Variants in FMN1 observed in about 807,000 individuals in gnomAD.
FMN1 encodes the protein formin 1.
FMN1 carries 110 observed loss-of-function variants against 132.4 expected under a neutral mutation model. The ratio of observed to expected loss-of-function variants is 0.83; its 90% CI spans 0.71 to 0.97. The LOEUF (loss-of-function observed/expected upper bound fraction) is 0.97, where lower values mean the gene tolerates loss of function less well. FMN1 is among the 50% of genes least tolerant of loss of function. FMN1 has a pLI of 0.00. For synonymous variants in FMN1, 722 were observed against 651.7 expected, an observed-to-expected ratio of 1.11 and a Z score of -1.64; for missense variants, 1,792 against 1,705.3, an observed-to-expected ratio of 1.05 and a Z score of -0.90.
At chr15:32,929,218 C>T (rs1403672717) in intron 9 of FMN1, among the ~76,000 whole-genome samples, 1 of 152,208 alleles carries the variant, frequency 6.6e-6, no homozygotes. Flanking sequence ...CCTACCTGAA[C>T]CAAATTCTCT....
At chr15:32,855,875 C>CTA (rs1418094141) in intron 17 of FMN1, among the ~76,000 whole-genome samples, 2 of 152,196 alleles carry the variant, frequency 1.3e-5, no homozygotes, top group African/African-American at 4.8e-5. Flanking sequence ...AATCCATCTC[C>CTA]TATAGTCACA....
At chr15:33,014,910 TG>T in intron 6 of FMN1, among the ~76,000 whole-genome samples, 1 of 152,358 alleles carries the variant, frequency 6.6e-6, no homozygotes, top group South Asian at 2.1e-4. Flanking sequence ...TAATTACATA[TG>T]GGTACGGATA....
chr15:33,004,862 A>C (rs28457844), intron 7 of FMN1, among the ~76,000 whole-genome samples: 12,005 of 152,302 alleles, frequency 0.079, 681 homozygotes, highest in Middle Eastern at 0.16. Flanking sequence ...GCAGCCATAA[A>C]AAATGATGAG....
chr15:32,907,802 T>C (rs553966804), intron 12 of FMN1, among the ~76,000 whole-genome samples: 24 of 150,162 alleles, frequency 1.6e-4, no homozygotes, highest in African/African-American at 5.8e-4. Flanking sequence ...CATTTTACAG[T>C]CTCACAGAGT....
chr15:33,131,053 G>A (rs1963521477), intron 4 of FMN1, among the ~76,000 whole-genome samples: 1 of 152,140 alleles, frequency 6.6e-6, no homozygotes, highest in Non-Finnish European at 1.5e-5. Context: ...TATTAGGCCG[G>A]GTGCGGTGGC....
At chr15:33,078,084 G>A (rs1483557286) in intron 5 of FMN1, among the ~76,000 whole-genome samples, 1 of 152,182 alleles carries the variant, frequency 6.6e-6, no homozygotes, top group East Asian at 1.9e-4. Context: ...TTTGAAAAGG[G>A]ACATATTGGG....
intron 7 of FMN1, 102 bp from the exon 8 acceptor site, chr15:32,969,579 C>G (rs1287951012): frequency 2.4e-6 from 3 of 1,267,710 alleles, no homozygotes; most frequent in African/African-American, 1.5e-5. Context: ...TGTAGCATGG[C>G]CCACATAAAT....
chr15:32,825,084 CAT>C (rs2058330055), intron 17 of FMN1, among the ~76,000 whole-genome samples: 4 of 152,338 alleles, frequency 2.6e-5, no homozygotes, highest in East Asian at 1.9e-4. Flanking sequence ...ACTTCGAAAA[CAT>C]AGTCTTGAAT....
chr15:33,058,331 A>G (rs1210591582), intron 6 of FMN1, among the ~76,000 whole-genome samples: 1 of 152,192 alleles, frequency 6.6e-6, no homozygotes, highest in Non-Finnish European at 1.5e-5. Flanking sequence ...AATCTTCCCA[A>G]AAGAGGACTC....
chr15:32,846,851 C>A (rs186951676), intron 17 of FMN1, among the ~76,000 whole-genome samples: 14 of 152,160 alleles, frequency 9.2e-5, no homozygotes, highest in Non-Finnish European at 2.1e-4. Flanking sequence ...AAATGTGGTA[C>A]ATATATACCA....
chr15:33,020,648 A>G (rs1297258217), intron 6 of FMN1, among the ~76,000 whole-genome samples: 1 of 152,012 alleles, frequency 6.6e-6, no homozygotes, highest in Non-Finnish European at 1.5e-5. Flanking sequence ...CAAAAAAAAA[A>G]AAAAAAAAGA....
At chr15:32,806,077 T>C (rs1418995775) in intron 17 of FMN1, among the ~76,000 whole-genome samples, 2 of 150,498 alleles carry the variant, frequency 1.3e-5, no homozygotes, top group Non-Finnish European at 3.0e-5. Flanking sequence ...AATAGGAAAG[T>C]TGTTAACATA....
At chr15:33,155,387 C>T (rs1045541006) in intron 3 of FMN1, among the ~76,000 whole-genome samples, 26 of 152,228 alleles carry the variant, frequency 1.7e-4, no homozygotes, top group African/African-American at 6.0e-4. Context: ...GCTATCATAA[C>T]TCCCAGAAGT....
At chr15:32,937,019 GC>G (rs2061291893) in intron 9 of FMN1, among the ~76,000 whole-genome samples, 1 of 152,158 alleles carries the variant, frequency 6.6e-6, no homozygotes, top group Non-Finnish European at 1.5e-5. Flanking sequence ...CTCTTGGGCG[GC>G]CCTCTGAAAA....
At chr15:33,193,336 C>T (rs754444387) in intron 2 of FMN1, among the ~76,000 whole-genome samples, 37 of 152,100 alleles carry the variant, frequency 2.4e-4, no homozygotes, top group Admixed American at 2.2e-3. Context: ...AGCTAAGCAA[C>T]GGCTGTTGAA....
chr15:32,988,910 C>T (rs761465640), intron 7 of FMN1, among the ~76,000 whole-genome samples: 9 of 152,192 alleles, frequency 5.9e-5, no homozygotes, highest in East Asian at 1.9e-4. Context: ...CTTAAGCTAA[C>T]GCAAATCATC....
chr15:32,811,727 C>T (rs983224144), intron 17 of FMN1, among the ~76,000 whole-genome samples: 1 of 150,922 alleles, frequency 6.6e-6, no homozygotes. Flanking sequence ...TGCAGTGGTG[C>T]GATCTCGGCT....
At chr15:32,989,552 T>G in intron 7 of FMN1, among the ~76,000 whole-genome samples, 1 of 152,106 alleles carries the variant, frequency 6.6e-6, no homozygotes, top group African/African-American at 2.4e-5. Flanking sequence ...TTTAGCCCCT[T>G]CACCCGCCCC....
At chr15:32,875,277 G>C (rs2059611831) in intron 16 of FMN1, among the ~76,000 whole-genome samples, 1 of 152,048 alleles carries the variant, frequency 6.6e-6, no homozygotes, top group African/African-American at 2.4e-5. Flanking sequence ...TCTGAATCCA[G>C]GGGTAACAGA....
Sources: allele counts gnomAD v4.1 joint callset (sites outside exome capture counted in the v4.1 genomes callset), GRCh38; gene constraint gnomAD v4.1.1; transcripts MANE v1.5; gene names NCBI Gene and HGNC (gene_info 2026-07-23, HGNC 2026-07-21).